ARHGAP6: variants seen among roughly 807,000 people sequenced by gnomAD.
ARHGAP6 encodes the protein rho GTPase-activating protein 6.
A neutral mutation model predicts 55.7 loss-of-function variants in ARHGAP6; 16 were observed. The ratio of observed to expected loss-of-function variants is 0.29; its 90% confidence interval spans 0.19 to 0.44. The LOEUF is 0.44. Ranked by LOEUF, ARHGAP6 falls within the 20% of genes least tolerant of loss-of-function variation. The probability of loss-of-function intolerance (pLI) is 1.00; values close to 1 mark genes in which losing one functional copy is unlikely to be tolerated. For missense variants in ARHGAP6, 698 were observed against 808.9 expected (o/e 0.86, Z 1.66); for synonymous variants, 382 against 360.9 (o/e 1.06, Z -0.66).
At chrX:11,375,391 CTTGTTG>C (rs1273954750) in intron 1 of ARHGAP6, among the ~76,000 whole-genome samples, 1 of 111,886 alleles carries the variant, frequency 8.9e-6, no homozygotes, top group Non-Finnish European at 1.9e-5. Context: ...ATTTGAAGGG[CTTGTTG>C]TTGTTGTTGC....
At chrX:11,329,765 T>TA (rs1218380470) in intron 1 of ARHGAP6, among the ~76,000 whole-genome samples, 1 of 112,367 alleles carries the variant, frequency 8.9e-6, no homozygotes, top group Non-Finnish European at 1.9e-5. Context: ...AGCATGTACT[T>TA]ACACAAACCT....
intron 1 of ARHGAP6, among the ~76,000 whole-genome samples, chrX:11,384,281 T>C (rs2049299956): frequency 8.9e-6 from 1 of 111,854 alleles, no homozygotes; most frequent in Non-Finnish European, 1.9e-5. Context: ...CCATGTCTTG[T>C]GGCAGGAAAA....
chrX:11,523,002 A>C (rs184077485), intron 1 of ARHGAP6, among the ~76,000 whole-genome samples: 11 of 111,736 alleles, frequency 9.8e-5, no homozygotes, highest in Admixed American at 2.9e-4. Flanking sequence ...ACTGGCAAAC[A>C]GAATCCAGCA....
At position 11,571,298 on chromosome X, in the gene ARHGAP6, A is replaced by G. The variant is rs192267372; in HGVS notation, c.588+92943T>C. On this transcript the variant is annotated intron_variant, in intron 1 of 12. Coordinates refer to ENST00000337414, the MANE Select transcript of ARHGAP6 (RefSeq NM_013427.3). Reference sequence around the variant, plus strand: ...AGAGGGGTCACCTGATAGGTAGAAAAGGCACAGACTCTGATGCCAGATAGG... The same window carrying G: ...AGAGGGGTCACCTGATAGGTAGAAAGGGCACAGACTCTGATGCCAGATAGG... 5.3e-3 allele frequency among the ~76,000 whole-genome samples: 593 copies of G among 111,165 alleles called. 6 individuals are homozygous for G. Among genetic ancestry groups the G allele is most frequent in the African/African-American group, 0.019 (575 of 30,591 alleles).
chrX:11,549,259 C>T (rs1453479663), intron 1 of ARHGAP6, among the ~76,000 whole-genome samples: 1 of 111,579 alleles, frequency 9.0e-6, no homozygotes, highest in African/African-American at 3.3e-5. Flanking sequence ...AAAACAGAGG[C>T]AACAGAAACA....
chrX:11,487,322 G>A (rs781259178), intron 1 of ARHGAP6, among the ~76,000 whole-genome samples: 1 of 111,837 alleles, frequency 8.9e-6, no homozygotes, highest in South Asian at 3.9e-4. Flanking sequence ...ACTAAACAGA[G>A]CCAGGTTTCT....
intron 5 of ARHGAP6, among the ~76,000 whole-genome samples, chrX:11,182,624 T>C (rs1186700773): frequency 9.3e-6 from 1 of 107,861 alleles, no homozygotes; most frequent in Admixed American, 1.0e-4. Flanking sequence ...CTTTCTTTTT[T>C]TTCCTTTTTT....
chrX:11,539,588 C>T (rs772371263), intron 1 of ARHGAP6, among the ~76,000 whole-genome samples: 43 of 112,073 alleles, frequency 3.8e-4, no homozygotes, highest in Non-Finnish European at 7.5e-4. Context: ...ACAGCTTTTT[C>T]TCATCCTCTC....
chrX:11,552,633 C>A (rs2051282607), intron 1 of ARHGAP6, among the ~76,000 whole-genome samples: 1 of 82,450 alleles, frequency 1.2e-5, no homozygotes, highest in African/African-American at 4.6e-5. Context: ...CAATGGCATA[C>A]TGTTCAGCCT....
chrX:11,580,974 C>T (rs1407338782), intron 1 of ARHGAP6, among the ~76,000 whole-genome samples: 1 of 112,269 alleles, frequency 8.9e-6, no homozygotes, highest in East Asian at 2.8e-4. Flanking sequence ...CCCAAGGGAC[C>T]TAAGTGAAGC....
chrX:11,261,864 T>C (rs956986152), intron 1 of ARHGAP6, among the ~76,000 whole-genome samples: 2 of 111,534 alleles, frequency 1.8e-5, no homozygotes, highest in African/African-American at 6.5e-5. Flanking sequence ...CTAGGGATGC[T>C]GCTAAGCACC....
chrX:11,363,685 A>G (rs2049040066), intron 1 of ARHGAP6, among the ~76,000 whole-genome samples: 1 of 112,131 alleles, frequency 8.9e-6, no homozygotes, highest in Non-Finnish European at 1.9e-5. Flanking sequence ...ATCATTGACT[A>G]AGCTTATCTT....
At chrX:11,473,973 T>C (rs181207839) in intron 1 of ARHGAP6, among the ~76,000 whole-genome samples, 12 of 111,272 alleles carry the variant, frequency 1.1e-4, no homozygotes, top group African/African-American at 3.3e-4. Context: ...TCCTTTTGGC[T>C]GCTCAACTGC....
intron 1 of ARHGAP6, among the ~76,000 whole-genome samples, chrX:11,623,854 A>C (rs1363560424): frequency 8.9e-6 from 1 of 112,155 alleles, no homozygotes; most frequent in Non-Finnish European, 1.9e-5. Flanking sequence ...AATACCAATG[A>C]CATTCTTCAC....
chrX:11,428,392 AC>A (rs1488755123), intron 1 of ARHGAP6, among the ~76,000 whole-genome samples: 1 of 111,386 alleles, frequency 9.0e-6, no homozygotes, highest in African/African-American at 3.3e-5. Flanking sequence ...GTTCACAATA[AC>A]CCTTAAAACT....
chrX:11,367,119 A>G (rs1182498349), intron 1 of ARHGAP6, among the ~76,000 whole-genome samples: 1 of 112,110 alleles, frequency 8.9e-6, no homozygotes, highest in African/African-American at 3.2e-5. Flanking sequence ...ACTCTCCTGA[A>G]TTCGCAGCAA....
chrX:11,651,298 C>A (rs62589860), intron 1 of ARHGAP6, among the ~76,000 whole-genome samples: 15,503 of 110,930 alleles, frequency 0.14, 1,020 homozygotes, highest in Middle Eastern at 0.26. Context: ...CCACTGCTCA[C>A]CCTCAGGTAG....
intron 1 of ARHGAP6, among the ~76,000 whole-genome samples, chrX:11,507,424 G>C (rs1451581076): frequency 9.0e-6 from 1 of 111,489 alleles, no homozygotes; most frequent in Non-Finnish European, 1.9e-5. Context: ...TTGCTCAGGT[G>C]ACAGGGAAAT....
rs778340824 is a variant in ARHGAP6, at chrX:11,138,903, G to A, written c.2885C>T (p.Ser962Leu). The A allele has an allele frequency of 6.7e-6, 8 of 1,185,629 alleles. No homozygotes were observed. Among genetic ancestry groups the A allele is most frequent in the Non-Finnish European group, 9.0e-6 (8 of 888,158 alleles). Residue 962 changes from serine (S) to leucine (L), a missense_variant, in exon 13 of 13, where the codon TCG (serine) becomes TTG (leucine). Physicochemically the swap from Ser to Leu is moderately radical, Grantham distance 145. Coordinates refer to ENST00000337414, the MANE Select transcript of ARHGAP6 (RefSeq NM_013427.3). ...GGGCAGGGCATCGGGGTTGTCGGTC[G>A]ACAGGAGCTCCCAGATCTGCCAGCG... ...RERWQIWELL[S>L]TDNPDALPET...
Sources: gnomAD v4.1 joint callset for allele counts (sites outside exome capture counted in the v4.1 genomes callset) on GRCh38, gnomAD v4.1.1 for gene constraint, MANE v1.5 for transcripts, NCBI Gene and HGNC (gene_info 2026-07-23, HGNC 2026-07-21) for gene names.